Variants in OR51G2 observed in about 807,000 individuals in gnomAD.
OR51G2 encodes olfactory receptor family 51 subfamily G member 2, also known as olfactory receptor 51G2.
A neutral mutation model predicts 11.8 loss-of-function variants in OR51G2; 13 were observed. The observed-to-expected ratio is 1.10, with a 90% CI of 0.72 to 1.76. The LOEUF (loss-of-function observed/expected upper bound fraction) is 1.76. Ranked by LOEUF, OR51G2 falls within the 40% of genes most tolerant of loss-of-function variation. The pLI is 0.00. For missense variants in OR51G2, 474 were observed against 394.4 expected, an observed-to-expected ratio of 1.20 and a Z score of -1.71; for synonymous variants, 178 against 151.9, an observed-to-expected ratio of 1.17 and a Z score of -1.26.
At chr11:4,917,031 C>G (rs550859446) in intron 1 of OR51G2, among the ~76,000 whole-genome samples, 1 of 152,210 alleles carries the variant, frequency 6.6e-6, no homozygotes, top group Non-Finnish European at 1.5e-5. Flanking sequence ...CAGCAGTGAT[C>G]TTCCATTCTC....
chr11:4,914,623 G>T lies in OR51G2; in HGVS notation c.*96C>A. 1 of 831,850 alleles carries T rather than the reference G, an allele frequency of 1.2e-6. No individual in the cohort carries two copies. Among genetic ancestry groups the T allele is most frequent in the Non-Finnish European group, 1.9e-6 (1 of 527,664 alleles). 51.5% of individuals were successfully genotyped at this position (831,850 alleles called of 1,614,324 possible). A position where few individuals can be genotyped will look rare whatever the true frequency, so the allele number is the denominator to read the frequency against. On this transcript the variant is annotated 3_prime_UTR_variant, in exon 2 of 2. Coordinates refer to ENST00000641926, the MANE Select transcript of OR51G2 (RefSeq NM_001005238.2). ...ATCCCTGTACATGTTTGTTGAGTAA[G>T]TAAATGTCTCCTTTATTTTATGCAT...
At position 4,913,884 on chromosome 11, in the gene OR51G2, G is replaced by A. The variant is rs1387741695; in HGVS notation, c.*835C>T. 6.6e-6 allele frequency: 1 copy of A among 152,078 alleles called. No homozygotes were observed. Among genetic ancestry groups the A allele is most frequent in the Admixed American group, 6.6e-5 (1 of 15,262 alleles). 9.4% of individuals were successfully genotyped at this position (152,078 alleles called of 1,614,324 possible). ...CTACATTTCCCTTAAGGCTATTACT[G>A]TGTCAACTCAGGGAAAACTTTTCTG... On this transcript the variant is annotated 3_prime_UTR_variant, in exon 2 of 2. Transcript: ENST00000641926.
chr11:4,916,411 A>AG (rs1851092686), intron 1 of OR51G2, among the ~76,000 whole-genome samples: 1 of 149,368 alleles, frequency 6.7e-6, no homozygotes. Flanking sequence ...GGAAAAAAAA[A>AG]GTCCTCACAT....
In OR51G2 at chr11:4,915,251, A is replaced by G; in HGVS notation, c.413T>C (p.Val138Ala). Residue 138 changes from valine to alanine, a missense_variant, in exon 2 of 2, where the codon GTT (valine) becomes GCT (alanine). By Grantham distance (64) the Val-to-Ala change is moderately conservative. Transcript: ENST00000641926. The part of the protein sequence containing the change: ...FVAICHPLHY[V>A]SILTNTVIGR... ...AATGACTGTGTTGGTGAGAATGGAA[A>G]CATAGTGCAAGGGGTGGCAGATAGC... The G allele has an allele frequency of 6.2e-7, 1 of 1,614,030 alleles. No homozygotes were observed. The highest frequency in any genetic ancestry group is 8.5e-7 in the Non-Finnish European group (1 of 1,180,012).
chr11:4,915,501 T>G lies in OR51G2; in HGVS notation c.163A>C (p.Lys55Gln). 1 of 1,614,110 alleles carries G rather than the reference T, an allele frequency of 6.2e-7. No homozygotes were observed. Reference sequence around the variant, plus strand: ...GGTTCATGAAGTGAGCGCTCTGTTTTAATGATAAAAAGAATTGTGCAGTTG... The same window carrying G: ...GGTTCATGAAGTGAGCGCTCTGTTTGAATGATAAAAAGAATTGTGCAGTTG... Reference protein sequence around the residue: ...PGNCTILFIIKTERSLHEPMY... With the variant: ...PGNCTILFIIQTERSLHEPMY... The change falls in exon 2 of 2, where the codon AAA (lysine) becomes CAA (glutamine). Residue 55 changes from lysine (K) to glutamine (Q), a missense_variant. Coordinates refer to ENST00000641926, the MANE Select transcript of OR51G2 (RefSeq NM_001005238.2).
Position 4,915,052 on chromosome 11 carries a change from G to T in OR51G2, c.612C>A (p.Gly204=). The T allele has an allele frequency of 6.2e-7, 1 of 1,614,106 alleles. No individual in the cohort carries two copies. The highest frequency in any genetic ancestry group is 8.5e-7 in the Non-Finnish European group (1 of 1,180,006). Residue 204 remains glycine, a synonymous_variant, in exon 2 of 2, where the codon GGC becomes GGA. Transcript: ENST00000641926. The part of the protein sequence containing the change: ...CADMKANSIY[G]MFVIVSTVGI... ...CCACTGTAGAGACGATGACAAACATGCCGTAGATGCTGTTGGCCTTCATGT... is the reference window on the plus strand; with the variant it reads ...CCACTGTAGAGACGATGACAAACATTCCGTAGATGCTGTTGGCCTTCATGT...
At position 4,917,786 on chromosome 11, in the gene OR51G2, C is replaced by G. The variant is rs7109775; in HGVS notation, c.-77+1391G>C. On this transcript the variant is annotated intron_variant, in intron 1 of 1. Transcript: ENST00000641926. Reference sequence around the variant, plus strand: ...GGTTTTATTGTTTTGATGTAATAGTCTCTAATTGTTCAGTGTTTTCATTGC... The same window carrying G: ...GGTTTTATTGTTTTGATGTAATAGTGTCTAATTGTTCAGTGTTTTCATTGC... Among the ~76,000 whole-genome samples, 844 of 152,066 alleles carry G rather than the reference C, an allele frequency of 5.6e-3. 11 individuals carry two copies. The highest frequency in any genetic ancestry group is 0.02 in the African/African-American group (819 of 41,508).
At position 4,913,816 on chromosome 11, in the gene OR51G2, T is replaced by A. The variant is rs917354674; in HGVS notation, c.*903A>T. The A allele has an allele frequency of 2.6e-5, 4 of 152,186 alleles. No homozygotes were observed. The highest frequency in any genetic ancestry group is 9.6e-5 in the African/African-American group (4 of 41,458). 9.4% of individuals were successfully genotyped at this position (152,186 alleles called of 1,614,324 possible). On this transcript the variant is annotated 3_prime_UTR_variant, in exon 2 of 2. Coordinates refer to ENST00000641926, the MANE Select transcript of OR51G2 (RefSeq NM_001005238.2). Reference sequence around the variant, plus strand: ...CATGCTGTTCCTTTGGACTGGAACATATTTTTGTCTCCTTCCTCTTACAGT... The same window carrying A: ...CATGCTGTTCCTTTGGACTGGAACAAATTTTTGTCTCCTTCCTCTTACAGT...
At position 4,914,838 on chromosome 11, in the gene OR51G2, G is replaced by C. The variant is rs753888356; in HGVS notation, c.826C>G (p.Leu276Val). 1.2e-6 allele frequency: 2 copies of C among 1,614,072 alleles called. No homozygotes were observed. Among genetic ancestry groups the C allele is most frequent in the Non-Finnish European group, 1.7e-6 (2 of 1,179,984 alleles). ...ATGAAACCCATGACCACCTGGACCA[G>C]GTGGGGTGCCTGCTTTCCAAAGCGA... The part of the protein sequence containing the change: ...IHRFGKQAPH[L>V]VQVVMGFMYL... The change falls in exon 2 of 2, where the codon CTG becomes GTG. Residue 276 changes from leucine (L) to valine (V), a missense_variant. By Grantham distance (32) the Leu-to-Val change is conservative. Transcript: ENST00000641926.
At position 4,915,374 on chromosome 11, in the gene OR51G2, A is replaced by G; in HGVS notation, c.290T>C (p.Ile97Thr). The change falls in exon 2 of 2, where the codon ATT becomes ACT. Residue 97 changes from isoleucine (I) to threonine (T), a missense_variant. Physicochemically the swap from Ile to Thr is moderately conservative, Grantham distance 89 (BLOSUM62 -1). Transcript: ENST00000641926. ...CTGAGCAAAGCAGGCATCATGGCTA[A>G]TTTCTCGTGCTCCAACCCAAAAGAT... ...LGIFWVGARE[I>T]SHDACFAQLF... 1.2e-6 allele frequency: 2 copies of G among 1,614,068 alleles called. No individual in the cohort carries two copies. The highest frequency in any genetic ancestry group is 1.7e-6 in the Non-Finnish European group (2 of 1,180,008).
chr11:4,917,740 T>G (rs748925003), intron 1 of OR51G2, among the ~76,000 whole-genome samples: 47 of 152,148 alleles, frequency 3.1e-4, no homozygotes, highest in Admixed American at 3.9e-4. Flanking sequence ...CAATATACTT[T>G]TTATGTGTTC....
At chr11:4,917,197 A>T (rs1169592715) in intron 1 of OR51G2, among the ~76,000 whole-genome samples, 2 of 152,162 alleles carry the variant, frequency 1.3e-5, no homozygotes, top group African/African-American at 4.8e-5. Flanking sequence ...AACTAATAGT[A>T]ACTTGGTGCA....
At position 4,914,767 on chromosome 11, in the gene OR51G2, C is replaced by T; in HGVS notation, c.897G>A (p.Val299=). Residue 299 remains valine (V), a synonymous_variant, in exon 2 of 2, where the codon GTG becomes GTA. Coordinates refer to ENST00000641926, the MANE Select transcript of OR51G2 (RefSeq NM_001005238.2). Reference sequence around the variant, plus strand: ...CTCGATCCCGGATCTGTTTGGTCTTCACACTGTAGACAATGGGATTCATCA... The same window carrying T: ...CTCGATCCCGGATCTGTTTGGTCTTTACACTGTAGACAATGGGATTCATCA... ...PPVMNPIVYS[V]KTKQIRDRVT... 2.5e-6 allele frequency: 4 copies of T among 1,613,976 alleles called. No individual in the cohort carries two copies. Among genetic ancestry groups the T allele is most frequent in the Non-Finnish European group, 3.4e-6 (4 of 1,179,966 alleles).
intron 1 of OR51G2, among the ~76,000 whole-genome samples, chr11:4,917,031 C>A (rs550859446): frequency 6.6e-6 from 1 of 152,210 alleles, no homozygotes; most frequent in African/African-American, 2.4e-5. Context: ...CAGCAGTGAT[C>A]TTCCATTCTC....
Position 4,915,233 on chromosome 11 carries a change from G to A in OR51G2, c.431C>T (p.Thr144Ile), listed in dbSNP as rs750907746. 1.2e-6 allele frequency: 2 copies of A among 1,613,982 alleles called. No homozygotes were observed. ...PLHYVSILTN[T>I]VIGRIGLVSL... ...GACCAGGCCAATCCTGCCAATGACT[G>A]TGTTGGTGAGAATGGAAACATAGTG... Residue 144 changes from threonine to isoleucine, a missense_variant, in exon 2 of 2, where the codon ACA becomes ATA. Thr to Ile is a moderately conservative substitution (Grantham distance 89). Coordinates refer to ENST00000641926, the MANE Select transcript of OR51G2 (RefSeq NM_001005238.2).
chr11:4,918,149 A>G (rs1487559342), intron 1 of OR51G2, among the ~76,000 whole-genome samples: 3 of 152,044 alleles, frequency 2.0e-5, no homozygotes, highest in Non-Finnish European at 4.4e-5. Flanking sequence ...AGAGGCTTAG[A>G]GAATTTTATA....
rs1851047757 is a variant in OR51G2 at position 4,914,741 on chromosome 11, A to G, written c.923T>C (p.Val308Ala). 1.2e-6 allele frequency: 2 copies of G among 1,612,158 alleles called. No homozygotes were observed. Among genetic ancestry groups the G allele is most frequent in the Admixed American group, 3.3e-5 (2 of 59,962 alleles). Residue 308 changes from valine to alanine, a missense_variant, in exon 2 of 2, where the codon GTG becomes GCG. By Grantham distance (64) the Val-to-Ala change is moderately conservative (BLOSUM62 0). Coordinates refer to ENST00000641926, the MANE Select transcript of OR51G2 (RefSeq NM_001005238.2). ...CAGTTAGTAACAAAAGGCATGCGTC[A>G]CTCGATCCCGGATCTGTTTGGTCTT... Reference protein sequence around the residue: ...SVKTKQIRDRVTHAFCY With the variant: ...SVKTKQIRDRATHAFCY
In OR51G2 at chr11:4,913,009, G is replaced by A. The variant is rs562149146; in HGVS notation, c.*1710C>T. The A allele has an allele frequency of 1.9e-4, 29 of 152,164 alleles. No homozygotes were observed. Among genetic ancestry groups the A allele is most frequent in the African/African-American group, 7.0e-4 (29 of 41,520 alleles). 9.4% of individuals were successfully genotyped at this position (152,164 alleles called of 1,614,324 possible). On this transcript the variant is annotated 3_prime_UTR_variant, in exon 2 of 2. Coordinates refer to ENST00000641926, the MANE Select transcript of OR51G2 (RefSeq NM_001005238.2). Reference sequence around the variant, plus strand: ...ATAACTCACAAGTCAGCCTTAGTGTGGAAAATGTTGTAGTCCTCTTAAATT... The same window carrying A: ...ATAACTCACAAGTCAGCCTTAGTGTAGAAAATGTTGTAGTCCTCTTAAATT...
chr11:4,915,644 C>T lies in OR51G2; in HGVS notation c.20G>A (p.Gly7Glu). 1 of 1,611,902 alleles carries T rather than the reference C, an allele frequency of 6.2e-7. No individual in the cohort carries two copies. Among genetic ancestry groups the T allele is most frequent in the Non-Finnish European group, 8.5e-7 (1 of 1,178,746 alleles). Residue 7 changes from glycine (G) to glutamate (E), a missense_variant, in exon 2 of 2, where the codon GGA (glycine) becomes GAA (glutamate). By Grantham distance (98) the Gly-to-Glu change is moderately conservative (BLOSUM62 -2). Coordinates refer to ENST00000641926, the MANE Select transcript of OR51G2 (RefSeq NM_001005238.2). MTLGSL[G>E]NSSSSVSATF... is the part of the protein sequence containing the mutation. ...AGCAGAAACGCTGCTGCTGCTGTTT[C>T]CCAGGGATCCCAGGGTCATTGTGTG... is the stretch of plus-strand genomic sequence containing the variant.
Sources: allele counts gnomAD v4.1 joint callset (sites outside exome capture counted in the v4.1 genomes callset), GRCh38; gene constraint gnomAD v4.1.1; transcripts MANE v1.5; gene names NCBI Gene and HGNC (gene_info 2026-07-23, HGNC 2026-07-21).